The following GRM8 variants were observed in gnomAD, a reference collection of about 807,000 sequenced individuals.
The protein encoded by GRM8 is glutamate metabotropic receptor 8.
Under a neutral mutation model 87.2 loss-of-function variants are expected in GRM8, and 47 were observed. The observed-to-expected ratio is 0.54, with a 90% CI of 0.43 to 0.69. The LOEUF (loss-of-function observed/expected upper bound fraction) is 0.69, where lower values mean the gene tolerates loss of function less well. Ranked by LOEUF, GRM8 falls within the 30% of genes least tolerant of loss-of-function variation. GRM8 has a pLI of 0.00. For missense variants in GRM8, 1,019 were observed against 1,139.2 expected, an observed-to-expected ratio of 0.89 and a Z score of 1.52; for synonymous variants, 396 against 404.5, an observed-to-expected ratio of 0.98 and a Z score of 0.25.
At chr7:126,662,088 T>G (rs1266220875) in intron 7 of GRM8, among the ~76,000 whole-genome samples, 1 of 152,230 alleles carries the variant, frequency 6.6e-6, no homozygotes, top group Non-Finnish European at 1.5e-5. Context: ...TTGCTCTAAA[T>G]TTACATTTTG....
At chr7:127,028,623 A>T (rs928253125) in intron 3 of GRM8, among the ~76,000 whole-genome samples, 6 of 152,092 alleles carry the variant, frequency 3.9e-5, no homozygotes, top group African/African-American at 1.4e-4. Flanking sequence ...ATTTGCATAG[A>T]GGTGTTTATA....
chr7:126,510,036 G>A (rs967209710), intron 9 of GRM8, among the ~76,000 whole-genome samples: 2 of 151,916 alleles, frequency 1.3e-5, no homozygotes, highest in Non-Finnish European at 2.9e-5. Flanking sequence ...TTGTCTGCAA[G>A]TCCAGATGAC....
intron 6 of GRM8, among the ~76,000 whole-genome samples, chr7:126,782,944 G>C (rs925449426): frequency 6.6e-6 from 1 of 152,142 alleles, no homozygotes; most frequent in Admixed American, 6.6e-5. Context: ...GAGAGTTTCT[G>C]TGCCATTCTT....
At chr7:126,778,399 T>C (rs1031935739) in intron 6 of GRM8, among the ~76,000 whole-genome samples, 3 of 152,132 alleles carry the variant, frequency 2.0e-5, no homozygotes, top group African/African-American at 7.2e-5. Context: ...TTCCATGCAA[T>C]GCCCTAGAGT....
chr7:126,651,161 G>A (rs1803812699), intron 7 of GRM8, among the ~76,000 whole-genome samples: 1 of 152,150 alleles, frequency 6.6e-6, no homozygotes, highest in Non-Finnish European at 1.5e-5. Flanking sequence ...TGGACTCACA[G>A]AATGCCCGGT....
chr7:126,924,832 T>G (rs984465699), intron 3 of GRM8, among the ~76,000 whole-genome samples: 1 of 152,174 alleles, frequency 6.6e-6, no homozygotes, highest in African/African-American at 2.4e-5. Context: ...AAGAGGTCAC[T>G]GGCCCTTATA....
intron 2 of GRM8, among the ~76,000 whole-genome samples, chr7:127,242,097 T>C (rs1238857532): frequency 6.6e-6 from 1 of 152,202 alleles, no homozygotes; most frequent in Non-Finnish European, 1.5e-5. Context: ...ATAAGAATTA[T>C]ATATAATTAT....
intron 3 of GRM8, among the ~76,000 whole-genome samples, chr7:127,034,417 C>T (rs955723156): frequency 2.0e-5 from 3 of 152,166 alleles, no homozygotes; most frequent in African/African-American, 7.2e-5. Flanking sequence ...TTACAGACCT[C>T]ATTATCTGTA....
intron 9 of GRM8, among the ~76,000 whole-genome samples, chr7:126,505,354 T>G (rs1810289850): frequency 6.6e-6 from 1 of 152,082 alleles, no homozygotes; most frequent in African/African-American, 2.4e-5. Context: ...TTTCCATGGA[T>G]TTCTTACAGA....
intron 7 of GRM8, among the ~76,000 whole-genome samples, chr7:126,614,989 G>A (rs4298444): frequency 0.19 from 29,083 of 152,008 alleles, 3,305 homozygotes; most frequent in East Asian, 0.31. Flanking sequence ...ACCTAGCAAG[G>A]CAGGACAACA....
intron 7 of GRM8, among the ~76,000 whole-genome samples, chr7:126,620,367 A>T (rs1799994745): frequency 6.6e-6 from 1 of 152,224 alleles, no homozygotes; most frequent in African/African-American, 2.4e-5. Context: ...ATGTTTACTC[A>T]TCAGGTGCTA....
intron 6 of GRM8, among the ~76,000 whole-genome samples, chr7:126,844,484 T>C (rs1031686020): frequency 3.3e-5 from 5 of 152,260 alleles, no homozygotes; most frequent in Admixed American, 2.6e-4. Context: ...GTACATGATC[T>C]CTTTTAGTCC....
At chr7:126,881,923 A>G (rs1800059079) in intron 6 of GRM8, among the ~76,000 whole-genome samples, 1 of 152,282 alleles carries the variant, frequency 6.6e-6, no homozygotes, top group South Asian at 2.1e-4. Flanking sequence ...ATGTAATAAT[A>G]AAAGAATGAG....
intron 7 of GRM8, among the ~76,000 whole-genome samples, chr7:126,657,576 C>T (rs1804665257): frequency 6.6e-6 from 1 of 152,216 alleles, no homozygotes; most frequent in Admixed American, 6.5e-5. Flanking sequence ...TATAATAGTT[C>T]CAAGCTTCTA....
intron 6 of GRM8, among the ~76,000 whole-genome samples, chr7:126,855,209 G>C (rs1797566106): frequency 6.6e-6 from 1 of 152,090 alleles, no homozygotes; most frequent in African/African-American, 2.4e-5. Flanking sequence ...ACTCATAATA[G>C]TTGTACCTTA....
chr7:126,707,399 A>G (rs1256002398), intron 7 of GRM8, among the ~76,000 whole-genome samples: 1 of 152,210 alleles, frequency 6.6e-6, no homozygotes, highest in Non-Finnish European at 1.5e-5. Flanking sequence ...CTATAATGGC[A>G]TGAGAGTGTT....
rs1005956097 is a variant in GRM8 at position 127,127,843 on chromosome 7, ACACCCTT to A, written c.511-21138_511-21132del. 1.1e-3 allele frequency among the ~76,000 whole-genome samples: 174 copies of A among 152,190 alleles called. 1 individual carries two copies. The highest frequency in any genetic ancestry group is 4.2e-3 in the African/African-American group (173 of 41,552). ...CTGGTCTCTCCTTCCACCCCAGCAC[ACACCCTT>A]CAAAAACAAGTCCTCCTTAAGTTAT... On this transcript the variant is annotated intron_variant, in intron 2 of 10. Transcript: ENST00000339582.
At chr7:127,056,503 T>C (rs1200932028) in intron 3 of GRM8, among the ~76,000 whole-genome samples, 2 of 152,150 alleles carry the variant, frequency 1.3e-5, no homozygotes, top group African/African-American at 4.8e-5. Flanking sequence ...CTTAAAAGTG[T>C]CAATAATTTT....
At chr7:127,125,079 C>T (rs1032414547) in intron 2 of GRM8, among the ~76,000 whole-genome samples, 8 of 151,934 alleles carry the variant, frequency 5.3e-5, no homozygotes, top group African/African-American at 1.9e-4. Context: ...ATGCTTTTCC[C>T]CTAAGAGTCT....
Sources: gnomAD v4.1 joint callset for allele counts (sites outside exome capture counted in the v4.1 genomes callset) on GRCh38, gnomAD v4.1.1 for gene constraint, MANE v1.5 for transcripts, NCBI Gene and HGNC (gene_info 2026-07-23, HGNC 2026-07-21) for gene names.